SPECC1: variants seen among roughly 807,000 people sequenced by gnomAD.
SPECC1 encodes sperm antigen with calponin homology and coiled-coil domains 1, also known as cytospin-B.
Under a neutral mutation model 104.1 loss-of-function variants are expected in SPECC1, and 62 were observed. That is an observed-to-expected ratio of 0.60 (90% CI 0.49 to 0.74). The LOEUF (loss-of-function observed/expected upper bound fraction) is 0.74. Among genes scored for constraint, SPECC1 ranks in the 30% least tolerant of loss-of-function variants. The probability of loss-of-function intolerance (pLI) is 0.00; values close to 1 mark genes in which losing one functional copy is unlikely to be tolerated. For synonymous variants in SPECC1, 513 were observed against 501.6 expected (o/e 1.02, Z -0.30); for missense variants, 1,306 against 1,310.5 (o/e 1.00, Z 0.05).
At chr17:20,185,926 C>T (rs1214048063) in intron 3 of SPECC1, among the ~76,000 whole-genome samples, 2 of 152,218 alleles carry the variant, frequency 1.3e-5, no homozygotes, top group Non-Finnish European at 2.9e-5. Context: ...CAACCTCTGC[C>T]TCCCAGGTTC....
At chr17:20,300,994 G>A (rs575135256) in intron 13 of SPECC1, among the ~76,000 whole-genome samples, 2 of 152,264 alleles carry the variant, frequency 1.3e-5, no homozygotes, top group Non-Finnish European at 2.9e-5. Context: ...GCCACTCTCT[G>A]AAGGAACAAC....
chr17:20,190,129 G>C (rs2035563544), intron 3 of SPECC1, among the ~76,000 whole-genome samples: 1 of 152,102 alleles, frequency 6.6e-6, no homozygotes, highest in Non-Finnish European at 1.5e-5. Context: ...CATAGTCAAG[G>C]TGGGGCCCCA....
At chr17:20,288,547 C>G (rs77449863) in intron 12 of SPECC1, among the ~76,000 whole-genome samples, 64,355 of 151,904 alleles carry the variant, frequency 0.42, 14,225 homozygotes, top group East Asian at 0.8. Context: ...CATGTCACAC[C>G]AGCCAGAATG....
At chr17:20,094,368 G>A (rs993504121) in intron 1 of SPECC1, among the ~76,000 whole-genome samples, 3 of 152,212 alleles carry the variant, frequency 2.0e-5, no homozygotes, top group Non-Finnish European at 2.9e-5. Flanking sequence ...CAGGATCGAC[G>A]CATTTGTTGC....
chr17:20,026,318 C>T (rs893653288), intron 1 of SPECC1, among the ~76,000 whole-genome samples: 1 of 151,922 alleles, frequency 6.6e-6, no homozygotes, highest in East Asian at 1.9e-4. Flanking sequence ...ATTTATCATT[C>T]CTTTGTGCTG....
intron 1 of SPECC1, chr17:20,067,280 G>C (rs1355527467): frequency 1.3e-5 from 2 of 152,028 alleles, no homozygotes; most frequent in Non-Finnish European, 2.9e-5. Context: ...AAGTAGCTGG[G>C]ACTACAGGTG....
At chr17:20,021,929 T>A (rs964573282) in intron 1 of SPECC1, among the ~76,000 whole-genome samples, 8 of 148,840 alleles carry the variant, frequency 5.4e-5, no homozygotes, top group African/African-American at 2.0e-4. Context: ...TATTTATTAT[T>A]ATTATAATTA....
At chr17:20,169,268 C>CT (rs1479050567) in intron 3 of SPECC1, among the ~76,000 whole-genome samples, 1 of 152,192 alleles carries the variant, frequency 6.6e-6, no homozygotes, top group Non-Finnish European at 1.5e-5. Flanking sequence ...GAGCTATAAA[C>CT]TATCTACTCA....
At chr17:20,276,681 G>T (rs143528286) in intron 12 of SPECC1, among the ~76,000 whole-genome samples, 6 of 152,318 alleles carry the variant, frequency 3.9e-5, no homozygotes, top group African/African-American at 1.4e-4. Flanking sequence ...AAAAACCCAG[G>T]CCTGAGACTC....
At chr17:20,259,722 G>A (rs1157448859) in intron 11 of SPECC1, among the ~76,000 whole-genome samples, 1 of 152,052 alleles carries the variant, frequency 6.6e-6, no homozygotes, top group East Asian at 1.9e-4. Flanking sequence ...ATGTTGCCCA[G>A]GCTGGTCTTG....
Position 20,316,302 on chromosome 17 carries a change from C to CA in SPECC1, c.*2238dup. 1 of 231,122 alleles carries CA rather than the reference C, an allele frequency of 4.3e-6. No homozygotes were observed. The highest frequency in any genetic ancestry group is 6.1e-5 in the East Asian group (1 of 16,338). 14.3% of individuals were successfully genotyped at this position (231,122 alleles called of 1,614,324 possible). On this transcript the variant is annotated 3_prime_UTR_variant, in exon 15 of 15. Transcript: ENST00000395527. ...TAGTCCAGGGTTTTATGTGGGGAGG[C>CA]AGTTGCTGTCTTGGGATACCCGGAG...
chr17:20,231,016 G>C lies in SPECC1; in HGVS notation c.2072-742G>C, dbSNP rs143941902. Among the ~76,000 whole-genome samples, 1,347 of 152,276 alleles carry C rather than the reference G, an allele frequency of 8.8e-3. 7 individuals are homozygous for C. The highest frequency in any genetic ancestry group is 0.051 in the Middle Eastern group (15 of 294). On this transcript the variant is annotated intron_variant, in intron 5 of 14. Transcript: ENST00000395527. ...GCTAATGCTCTAGGTTAGAGCATGA[G>C]GACCTATTGAGGAATTTCAGCTCAG...
intron 3 of SPECC1, among the ~76,000 whole-genome samples, chr17:20,197,576 T>C (rs997611995): frequency 1.3e-5 from 2 of 152,228 alleles, no homozygotes; most frequent in Admixed American, 6.5e-5. Context: ...TTAACTAATA[T>C]GATTTTTAGA....
At position 20,204,445 on chromosome 17, in the gene SPECC1, G is replaced by A. The variant is rs770147851; in HGVS notation, c.396G>A (p.Val132=). The A allele has an allele frequency of 9.3e-6, 15 of 1,613,940 alleles. No homozygotes were observed. In the East Asian group the frequency reaches 2.9e-4, roughly 31 times the overall value. Residue 132 remains valine, a synonymous_variant, in exon 4 of 15, where the codon GTG becomes GTA. Transcript: ENST00000395527. ...PRGPSNPRKS[V]SSPTSSNTPT... is the part of the protein sequence containing the mutation. Reference sequence around the variant, plus strand: ...GTCCCTCCAACCCCAGGAAATCAGTGTCCAGTCCAACTTCTTCCAACACTC... The same window carrying A: ...GTCCCTCCAACCCCAGGAAATCAGTATCCAGTCCAACTTCTTCCAACACTC...
intron 3 of SPECC1, among the ~76,000 whole-genome samples, chr17:20,150,476 CTAAAAATA>C (rs1306356222): frequency 6.6e-6 from 1 of 151,338 alleles, no homozygotes; most frequent in Non-Finnish European, 1.5e-5. Flanking sequence ...CCCGTCTCTA[CTAAAAATA>C]CTAAATTAGC....
At chr17:20,287,416 T>C (rs530835667) in intron 12 of SPECC1, among the ~76,000 whole-genome samples, 1 of 102,056 alleles carries the variant, frequency 9.8e-6, no homozygotes, top group South Asian at 3.4e-4. Flanking sequence ...AGAGCGAGAC[T>C]CCGTCTCAAA....
intron 3 of SPECC1, among the ~76,000 whole-genome samples, chr17:20,122,871 C>T (rs1008757477): frequency 1.3e-5 from 2 of 152,214 alleles, no homozygotes; most frequent in African/African-American, 4.8e-5. Flanking sequence ...TCTTCTTTAT[C>T]CATTCACCTG....
intron 1 of SPECC1, among the ~76,000 whole-genome samples, chr17:20,094,969 T>G (rs929499952): frequency 6.6e-6 from 1 of 152,238 alleles, no homozygotes; most frequent in Non-Finnish European, 1.5e-5. Flanking sequence ...GATACTTTAT[T>G]AAGTCATCTC....
At chr17:20,165,231 T>G (rs117240154) in intron 3 of SPECC1, among the ~76,000 whole-genome samples, 8,559 of 151,954 alleles carry the variant, frequency 0.056, 319 homozygotes, top group Non-Finnish European at 0.084. Context: ...CCAGTGTGTG[T>G]TGTTCCCCCC....
Sources: gnomAD v4.1 joint callset for allele counts (sites outside exome capture counted in the v4.1 genomes callset) on GRCh38, gnomAD v4.1.1 for gene constraint, MANE v1.5 for transcripts, NCBI Gene and HGNC (gene_info 2026-07-23, HGNC 2026-07-21) for gene names.